The following LNPEP variants were observed in gnomAD, a reference collection of about 807,000 sequenced individuals.
The protein encoded by LNPEP is leucyl and cystinyl aminopeptidase.
In LNPEP, 64 loss-of-function variants were observed where a neutral mutation model predicts 120.6. The ratio of observed to expected loss-of-function variants is 0.53; its 90% CI spans 0.43 to 0.65. The LOEUF (loss-of-function observed/expected upper bound fraction) is 0.65, where lower values mean the gene tolerates loss of function less well. Ranked by LOEUF, LNPEP falls within the 30% of genes least tolerant of loss-of-function variation. LNPEP has a pLI of 0.00. For synonymous variants in LNPEP, 435 were observed against 425.4 expected (o/e 1.02, Z -0.28); for missense variants, 1,057 against 1,200.0 (o/e 0.88, Z 1.76).
chr5:97,028,817 A>C lies in LNPEP; in HGVS notation c.*284A>C. ...CTTTGAAGATACACAGATGGGGACA[A>C]AAACCCTGTTTTGGAATTCTGTTCT... On this transcript the variant is annotated 3_prime_UTR_variant, in exon 18 of 18. Coordinates refer to ENST00000231368, the MANE Select transcript of LNPEP (RefSeq NM_005575.3). 1 of 257,076 alleles carries C rather than the reference A, an allele frequency of 3.9e-6. No individual in the cohort carries two copies. The highest frequency in any genetic ancestry group is 5.3e-5 in the Admixed American group (1 of 18,960). 15.9% of individuals were successfully genotyped at this position (257,076 alleles called of 1,614,324 possible).
chr5:96,944,924 A>C (rs571124398), intron 1 of LNPEP, among the ~76,000 whole-genome samples: 5 of 152,080 alleles, frequency 3.3e-5, no homozygotes, highest in African/African-American at 4.8e-5. Context: ...TTATTATCTA[A>C]AGACCTGGAA....
chr5:97,003,671 G>C, intron 9 of LNPEP, 125 bp downstream of exon 9: 1 of 532,700 alleles, frequency 1.9e-6, no homozygotes, highest in Non-Finnish European at 3.1e-6. Context: ...GAAAGGGGGG[G>C]ATGGAGCTTG....
In LNPEP at chr5:97,033,318, A is replaced by G. The variant is rs1443226379; in HGVS notation, c.*4785A>G. The G allele has an allele frequency of 2.6e-5, 4 of 152,272 alleles. No homozygotes were observed. In the East Asian group the frequency reaches 7.7e-4, roughly 29 times the overall value. The allele number at this position is 152,272 out of a possible 1,614,324, so 9.4% of individuals were successfully genotyped here. On this transcript the variant is annotated 3_prime_UTR_variant, in exon 18 of 18. Coordinates refer to ENST00000231368, the MANE Select transcript of LNPEP (RefSeq NM_005575.3). ...GGGGAGGGACGGGGAAGGTAGGAAA[A>G]TGCACTTAATGTATATACATGTTTT...
chr5:97,010,206 C>T (rs1268348061), intron 11 of LNPEP: 4 of 873,462 alleles, frequency 4.6e-6, no homozygotes, highest in Non-Finnish European at 4.1e-6. Context: ...CTCTCTCTCT[C>T]TCTTTCTTAT....
chr5:96,994,277 C>T (rs1206999309), intron 6 of LNPEP, among the ~76,000 whole-genome samples: 3 of 152,166 alleles, frequency 2.0e-5, no homozygotes, highest in Admixed American at 1.3e-4. Flanking sequence ...ATAAGTCATA[C>T]AGCTAATAAG....
chr5:97,012,023 A>G (rs769896468), intron 11 of LNPEP, among the ~76,000 whole-genome samples: 3 of 152,184 alleles, frequency 2.0e-5, no homozygotes, highest in Non-Finnish European at 4.4e-5. Flanking sequence ...GTACTAATAT[A>G]TAATCTTTAG....
intron 1 of LNPEP, chr5:96,962,799 T>C (rs1789637711): frequency 1.3e-5 from 2 of 151,692 alleles, no homozygotes; most frequent in Admixed American, 6.7e-5. Flanking sequence ...CGTCTCTTTA[T>C]TGCTTAGCTG....
At chr5:97,025,551 A>T (rs1458278327) in intron 15 of LNPEP, among the ~76,000 whole-genome samples, 2 of 152,244 alleles carry the variant, frequency 1.3e-5, no homozygotes, top group African/African-American at 4.8e-5. Flanking sequence ...AATATAGAGT[A>T]AAATATGAAA....
intron 1 of LNPEP, among the ~76,000 whole-genome samples, chr5:96,951,166 C>T (rs890703982): frequency 8.6e-5 from 13 of 151,972 alleles, no homozygotes; most frequent in Admixed American, 3.9e-4. Flanking sequence ...TGGATTAGGG[C>T]TCTACCCTTA....
At position 97,013,727 on chromosome 5, in the gene LNPEP, A is replaced by C; in HGVS notation, c.2115A>C (p.Ala705=). The C allele has an allele frequency of 1.9e-6, 3 of 1,610,062 alleles. No homozygotes were observed. The South Asian group carries it at 3.3e-5, about 18-fold the overall frequency. The change falls in exon 12 of 18, where the codon GCA becomes GCC. Residue 705 remains alanine (A), a synonymous_variant. Transcript: ENST00000231368. ...NMNGYYIVHY[A]DDDWEALIHQ... Reference sequence around the variant, plus strand: ...ATGGTTATTATATTGTACACTATGCAGATGATGATTGGGAAGCACTAATCC... The same window carrying C: ...ATGGTTATTATATTGTACACTATGCCGATGATGATTGGGAAGCACTAATCC...
At chr5:96,976,549 T>C (rs1343733011) in intron 1 of LNPEP, among the ~76,000 whole-genome samples, 2 of 151,992 alleles carry the variant, frequency 1.3e-5, no homozygotes, top group South Asian at 2.1e-4. Flanking sequence ...AATTGAGAGA[T>C]TGGAATGCTC....
At chr5:96,961,794 A>G (rs1454007996) in intron 1 of LNPEP, among the ~76,000 whole-genome samples, 4 of 152,120 alleles carry the variant, frequency 2.6e-5, no homozygotes, top group African/African-American at 4.8e-5. Flanking sequence ...ACTGTATTAT[A>G]TTATTATTTT....
At chr5:96,954,226 T>C (rs952505396) in intron 1 of LNPEP, among the ~76,000 whole-genome samples, 1 of 152,222 alleles carries the variant, frequency 6.6e-6, no homozygotes, top group African/African-American at 2.4e-5. Flanking sequence ...GATGTAAACA[T>C]GTACATCCTG....
At chr5:96,991,279 G>GTA (rs1367950588) in intron 4 of LNPEP, among the ~76,000 whole-genome samples, 1 of 152,112 alleles carries the variant, frequency 6.6e-6, no homozygotes, top group African/African-American at 2.4e-5. Flanking sequence ...TCCATGGTAT[G>GTA]TATATATATC....
chr5:97,010,243 TTAACTA>T (rs1450470521), intron 11 of LNPEP: 1 of 954,166 alleles, frequency 1.0e-6, no homozygotes, highest in East Asian at 1.2e-4. Context: ...CCTAAGATCT[TTAACTA>T]TAGGAGATTT....
intron 4 of LNPEP, among the ~76,000 whole-genome samples, chr5:96,989,704 GCTCT>G (rs375911650): frequency 2.0e-3 from 307 of 151,964 alleles, no homozygotes; most frequent in African/African-American, 7.0e-3. Context: ...GAGCTATGTT[GCTCT>G]CTCTATTTCT....
chr5:97,008,662 C>CTTTTTTTT (rs757725207), intron 11 of LNPEP, among the ~76,000 whole-genome samples: 10 of 85,446 alleles, frequency 1.2e-4, no homozygotes, highest in East Asian at 3.5e-4. Context: ...CCTCTTTACT[C>CTTTTTTTT]TTTTTTTTTT....
chr5:97,026,797 A>C (rs1387828879), intron 16 of LNPEP, 40 bp downstream of exon 16: 1 of 1,561,612 alleles, frequency 6.4e-7, no homozygotes, highest in East Asian at 2.3e-5. Flanking sequence ...AGTATTCTCA[A>C]GTTGTGCATT....
intron 1 of LNPEP, among the ~76,000 whole-genome samples, chr5:96,964,411 C>A (rs192687342): frequency 4.7e-4 from 71 of 151,900 alleles, no homozygotes; most frequent in African/African-American, 1.6e-3. Flanking sequence ...CAGAAATGAC[C>A]AGTTAACCTT....
Sources: gnomAD v4.1 joint callset for allele counts (sites outside exome capture counted in the v4.1 genomes callset) on GRCh38, gnomAD v4.1.1 for gene constraint, MANE v1.5 for transcripts, NCBI Gene and HGNC (gene_info 2026-07-23, HGNC 2026-07-21) for gene names.